The following COQ7 variants were observed in gnomAD, a reference collection of about 807,000 sequenced individuals.
COQ7 encodes the protein coenzyme Q7, hydroxylase.
In COQ7, 21 loss-of-function variants were observed where a neutral mutation model predicts 25.0. That is an observed-to-expected ratio of 0.84 (90% CI 0.60 to 1.21). The LOEUF is 1.21. Ranked by LOEUF, COQ7 falls within the 50% of genes most tolerant of loss-of-function variation. COQ7 has a pLI of 0.00. For synonymous variants in COQ7, 125 were observed against 112.4 expected, an observed-to-expected ratio of 1.11 and a Z score of -0.71; for missense variants, 311 against 296.2, an observed-to-expected ratio of 1.05 and a Z score of -0.37.
intron 1 of COQ7, among the ~76,000 whole-genome samples, chr16:19,069,879 G>T (rs541398748): frequency 3.9e-5 from 6 of 152,076 alleles, no homozygotes; most frequent in Non-Finnish European, 8.8e-5. Context: ...TGCCTACTGG[G>T]TTCAAGTGAT....
In COQ7 at chr16:19,077,776, G is replaced by A. The variant is rs11074360; in HGVS notation, c.577-305G>A. Among the ~76,000 whole-genome samples, 140,010 of 151,566 alleles carry A rather than the reference G, an allele frequency of 0.92. 65,096 individuals carry two copies. The highest frequency in any genetic ancestry group is 0.97 in the Non-Finnish European group (66,057 of 67,900). ...AATTTTTGTATTTTTTATTTTTAGTGGAGACCGAGTTTTCACTGTGTTGGC... is the reference window on the plus strand; with the variant it reads ...AATTTTTGTATTTTTTATTTTTAGTAGAGACCGAGTTTTCACTGTGTTGGC... On this transcript the variant is annotated intron_variant, in intron 5 of 5. Transcript: ENST00000321998.
rs1353829481 is a variant in COQ7, at chr16:19,078,216, G to T, written c.*58G>T. The stretch of plus-strand genomic sequence containing the variant: ...GATAGTAATTTACCAAGTGACATTT[G>T]CAGAGAAACAGGTGTACAGTTATCG... On this transcript the variant is annotated 3_prime_UTR_variant, in exon 6 of 6. Transcript: ENST00000321998. 5 of 1,330,366 alleles carry T rather than the reference G, an allele frequency of 3.8e-6. No individual in the cohort carries two copies. In the African/African-American group the frequency reaches 5.9e-5, roughly 16 times the overall value. The allele number at this position is 1,330,366 out of a possible 1,614,324, so 82.4% of individuals were successfully genotyped here.
At chr16:19,070,434 A>C (rs917312931) in intron 1 of COQ7, among the ~76,000 whole-genome samples, 1 of 152,232 alleles carries the variant, frequency 6.6e-6, no homozygotes, top group African/African-American at 2.4e-5. Flanking sequence ...AAAACATTAC[A>C]AAGTGATACC....
At chr16:19,068,291 T>TAG in intron 1 of COQ7, 1 of 990,908 alleles carries the variant, frequency 1.0e-6, no homozygotes, top group South Asian at 4.4e-5. Flanking sequence ...GCATCGAATT[T>TAG]AGAGTAGAGA....
rs1270496861 is a variant in COQ7, at chr16:19,079,723, C to T, written c.*1565C>T. On this transcript the variant is annotated 3_prime_UTR_variant, in exon 6 of 6. Transcript: ENST00000321998. ...CACATTTTAGGAATTTGCTTCCCAC[C>T]CAGTGCCCTGCATTTAATCAGCACC... is the stretch of plus-strand genomic sequence containing the variant. The T allele has an allele frequency of 6.6e-6, 1 of 152,140 alleles. No individual in the cohort carries two copies. Among genetic ancestry groups the T allele is most frequent in the African/African-American group, 2.4e-5 (1 of 41,438 alleles). The allele number at this position is 152,140 out of a possible 1,614,324, so 9.4% of individuals were successfully genotyped here. A position where few individuals can be genotyped will look rare whatever the true frequency, so the allele number is the denominator to read the frequency against.
chr16:19,069,620 A>G (rs1368461588), intron 1 of COQ7, among the ~76,000 whole-genome samples: 4 of 151,942 alleles, frequency 2.6e-5, no homozygotes, highest in African/African-American at 9.7e-5. Flanking sequence ...CATGATGACC[A>G]GGCTGGTCTC....
downstream of COQ7, among the ~76,000 whole-genome samples, chr16:19,081,431 A>G (rs1390344443): frequency 6.6e-6 from 1 of 152,178 alleles, no homozygotes; most frequent in Admixed American, 6.5e-5. Context: ...TTGTCTACAC[A>G]GTCCTTGTAC....
chr16:19,081,475 A>G (rs1963097847), downstream of COQ7, among the ~76,000 whole-genome samples: 1 of 152,164 alleles, frequency 6.6e-6, no homozygotes, highest in Non-Finnish European at 1.5e-5. Context: ...AAAGAATGTC[A>G]CTTTCTAACA....
chr16:19,082,218 T>C (rs559655989), downstream of COQ7, among the ~76,000 whole-genome samples: 12 of 152,230 alleles, frequency 7.9e-5, no homozygotes, highest in South Asian at 1.7e-3. Context: ...CTTAAAAATA[T>C]TATGCTTGGG....
Position 19,072,037 on chromosome 16 carries a change from T to C in COQ7, c.183T>C (p.Tyr61=), listed in dbSNP as rs544539636. 8.7e-5 allele frequency: 140 copies of C among 1,614,222 alleles called. No homozygotes were observed. In the South Asian group the frequency reaches 1.4e-3, roughly 16 times the overall value. ...RIIRVDHAGE[Y]GANRIYAGQM... ...TCCGGGTGGATCATGCAGGCGAATA[T>C]GGAGCAAACCGCATCTATGCCGGGC... The change falls in exon 2 of 6, where the codon TAT becomes TAC. Residue 61 remains tyrosine, a synonymous_variant. Coordinates refer to ENST00000321998, the MANE Select transcript of COQ7 (RefSeq NM_016138.5).
Position 19,078,227 on chromosome 16 carries a change from G to T in COQ7, c.*69G>T. ...ACCAAGTGACATTTGCAGAGAAACA[G>T]GTGTACAGTTATCGTTGTACTTTTG... On this transcript the variant is annotated 3_prime_UTR_variant, in exon 6 of 6. Transcript: ENST00000321998. 1 of 1,167,996 alleles carries T rather than the reference G, an allele frequency of 8.6e-7. No homozygotes were observed. The allele number at this position is 1,167,996 out of a possible 1,614,324, so 72.4% of individuals were successfully genotyped here. A position where few individuals can be genotyped will look rare whatever the true frequency, so the allele number is the denominator to read the frequency against.
intron 1 of COQ7, among the ~76,000 whole-genome samples, chr16:19,070,705 C>T (rs927533404): frequency 6.6e-6 from 1 of 151,828 alleles, no homozygotes; most frequent in African/African-American, 2.4e-5. Flanking sequence ...GAGCCAAGAT[C>T]GCACCTCTGT....
intron 1 of COQ7, among the ~76,000 whole-genome samples, chr16:19,069,972 T>TG (rs1354567147): frequency 7.3e-5 from 11 of 150,966 alleles, no homozygotes; most frequent in Middle Eastern, 3.5e-3. Context: ...TTGGTAGAGA[T>TG]GGGTTTTCAC....
intron 4 of COQ7, 90 bp from the exon 5 acceptor site, chr16:19,077,216 C>T (rs1208116737): frequency 1.7e-5 from 19 of 1,135,070 alleles, no homozygotes; most frequent in Non-Finnish European, 2.4e-5. Context: ...CTGTCTTAGG[C>T]CATAATAAGA....
rs776137247 is a variant in COQ7 at position 19,072,107 on chromosome 16, G to C, written c.252+1G>C. The C allele has an allele frequency of 6.2e-7, 1 of 1,614,096 alleles. No individual in the cohort carries two copies. Among genetic ancestry groups the C allele is most frequent in the Non-Finnish European group, 8.5e-7 (1 of 1,179,992 alleles). ...GACCAGCGTCGGGCCAGTCATTCAGGTGGGTGCTTCTTCATCTCCCTCACC... is the reference window on the plus strand; with the variant it reads ...GACCAGCGTCGGGCCAGTCATTCAGCTGGGTGCTTCTTCATCTCCCTCACC... On this transcript the variant is annotated splice_donor_variant, in intron 2 of 5. Transcript: ENST00000321998. LOFTEE classifies it high-confidence loss of function.
At chr16:19,075,656 C>T in intron 3 of COQ7, 65 bp from the exon 4 acceptor site, 1 of 1,501,568 alleles carries the variant, frequency 6.7e-7, no homozygotes, top group East Asian at 2.4e-5. Context: ...GCCCTGGCCA[C>T]AGATGGTCTC....
chr16:19,071,784 G>T lies in COQ7; in HGVS notation c.74-144G>T. 3 of 802,866 alleles carry T rather than the reference G, an allele frequency of 3.7e-6. No homozygotes were observed. In the South Asian group the frequency reaches 4.8e-5, roughly 13 times the overall value. 49.7% of individuals were successfully genotyped at this position (802,866 alleles called of 1,614,324 possible). On this transcript the variant is annotated intron_variant, in intron 1 of 5. Transcript: ENST00000321998. ...AAAATCCTCTGTTTTAACACTGTAG[G>T]TTAAACAGAGTCCGTTTATGGGCAC...
intron 2 of COQ7, chr16:19,072,419 T>A: frequency 6.5e-6 from 2 of 308,294 alleles, no homozygotes; most frequent in Non-Finnish European, 6.1e-6. Context: ...GCTGAAATGT[T>A]GCAGCCCTGC....
intron 1 of COQ7, among the ~76,000 whole-genome samples, chr16:19,071,502 A>G (rs117361580): frequency 0.027 from 4,123 of 152,366 alleles, 106 homozygotes; most frequent in Middle Eastern, 0.082. Context: ...ACTTATGCAC[A>G]GAGCTTCTAA....
Sources: gnomAD v4.1 joint callset for allele counts (sites outside exome capture counted in the v4.1 genomes callset) on GRCh38, gnomAD v4.1.1 for gene constraint, MANE v1.5 for transcripts, NCBI Gene and HGNC (gene_info 2026-07-23, HGNC 2026-07-21) for gene names.